PACRG: variants seen among roughly 807,000 people sequenced by gnomAD.
The protein encoded by PACRG is parkin coregulated.
Under a neutral mutation model 29.7 loss-of-function variants are expected in PACRG, and 29 were observed. The ratio of observed to expected loss-of-function variants is 0.98; its 90% CI spans 0.73 to 1.33. PACRG has a LOEUF of 1.33. Ranked by LOEUF, PACRG falls within the 40% of genes most tolerant of loss-of-function variation. The probability of loss-of-function intolerance (pLI) is 0.00; values close to 1 mark genes in which losing one functional copy is unlikely to be tolerated. For synonymous variants in PACRG, 116 were observed against 118.7 expected (o/e 0.98, Z 0.15); for missense variants, 279 against 316.2 (o/e 0.88, Z 0.89).
At chr6:163,164,947 G>C (rs1467626203) in intron 4 of PACRG, among the ~76,000 whole-genome samples, 1 of 151,210 alleles carries the variant, frequency 6.6e-6, no homozygotes, top group Non-Finnish European at 1.5e-5. Context: ...CAAAGATGCT[G>C]GACAAGGGTT....
chr6:163,194,473 C>G (rs1562958044), intron 4 of PACRG, among the ~76,000 whole-genome samples: 1 of 151,992 alleles, frequency 6.6e-6, no homozygotes, highest in South Asian at 2.1e-4. Flanking sequence ...GGCAGGAAAC[C>G]CCGGCGCCTC....
intron 2 of PACRG, chr6:162,957,428 T>G: frequency 1.5e-5 from 8 of 535,988 alleles, no homozygotes; most frequent in Non-Finnish European, 2.8e-5. Context: ...CCTCAAAGTC[T>G]GCCTGGGCAC....
chr6:163,214,144 T>G (rs565787775), intron 4 of PACRG, among the ~76,000 whole-genome samples: 3 of 152,338 alleles, frequency 2.0e-5, no homozygotes, highest in East Asian at 1.9e-4. Flanking sequence ...CACTGTTTAC[T>G]CTGTCCAGTA....
chr6:163,017,996 C>T (rs951242028), intron 2 of PACRG, among the ~76,000 whole-genome samples: 2 of 151,994 alleles, frequency 1.3e-5, no homozygotes, highest in South Asian at 2.1e-4. Flanking sequence ...CAAATACATT[C>T]TTGAGAGGGC....
At chr6:163,136,893 A>C (rs1405482535) in intron 4 of PACRG, among the ~76,000 whole-genome samples, 5 of 152,244 alleles carry the variant, frequency 3.3e-5, no homozygotes, top group African/African-American at 1.2e-4. Flanking sequence ...TTGTAAATGC[A>C]TACTAAATGC....
At chr6:163,132,777 A>G (rs1400469334) in intron 4 of PACRG, among the ~76,000 whole-genome samples, 1 of 152,264 alleles carries the variant, frequency 6.6e-6, no homozygotes. Context: ...TATATTTAAT[A>G]GCAATTTAGA....
intron 3 of PACRG, among the ~76,000 whole-genome samples, chr6:163,075,013 T>C (rs1812415919): frequency 6.6e-6 from 1 of 151,716 alleles, no homozygotes; most frequent in African/African-American, 2.4e-5. Context: ...TATATATAAC[T>C]AAATTTAAAA....
intron 4 of PACRG, among the ~76,000 whole-genome samples, chr6:163,093,591 C>T (rs1814310621): frequency 6.6e-6 from 1 of 152,166 alleles, no homozygotes. Flanking sequence ...GATTAGGGCT[C>T]TCCGACAGGC....
intron 2 of PACRG, among the ~76,000 whole-genome samples, chr6:162,872,014 GT>G (rs1792866062): frequency 6.6e-6 from 1 of 152,060 alleles, no homozygotes; most frequent in African/African-American, 2.4e-5. Flanking sequence ...TGTAAGATAT[GT>G]TTTAAGATTA....
chr6:162,768,868 C>T (rs746860000), intron 1 of PACRG, among the ~76,000 whole-genome samples: 9 of 152,174 alleles, frequency 5.9e-5, no homozygotes, highest in Non-Finnish European at 1.0e-4. Flanking sequence ...GGAATTTAAA[C>T]TCAGAAGTGA....
chr6:163,150,148 C>T (rs1778019708), intron 4 of PACRG, among the ~76,000 whole-genome samples: 1 of 152,220 alleles, frequency 6.6e-6, no homozygotes, highest in African/African-American at 2.4e-5. Flanking sequence ...CTGTGGAGGT[C>T]TGCCACCTGC....
intron 2 of PACRG, among the ~76,000 whole-genome samples, chr6:162,974,215 A>C (rs556844209): frequency 1.1e-4 from 17 of 152,312 alleles, no homozygotes; most frequent in Non-Finnish European, 1.9e-4. Flanking sequence ...GGCGGCTGCC[A>C]CCATATGCCA....
At chr6:163,121,708 C>T (rs1816281252) in intron 4 of PACRG, among the ~76,000 whole-genome samples, 1 of 149,832 alleles carries the variant, frequency 6.7e-6, no homozygotes, top group Admixed American at 6.7e-5. Context: ...GTCTGTCACC[C>T]AAGCTGGAGT....
At chr6:163,047,593 C>T (rs1245621152) in intron 2 of PACRG, among the ~76,000 whole-genome samples, 2 of 152,106 alleles carry the variant, frequency 1.3e-5, no homozygotes, top group African/African-American at 2.4e-5. Flanking sequence ...TACAACTGAC[C>T]TTTAGCTGTC....
intron 2 of PACRG, among the ~76,000 whole-genome samples, chr6:163,035,642 T>G (rs192257619): frequency 1.4e-5 from 2 of 145,622 alleles, no homozygotes; most frequent in South Asian, 2.2e-4. Context: ...TAAGACTCCA[T>G]GTCAAAAAAT....
chr6:162,727,687 G>T, upstream of PACRG: 2 of 1,572,608 alleles, frequency 1.3e-6, no homozygotes, highest in South Asian at 2.3e-5. Flanking sequence ...GGTAGGTGGC[G>T]GCTGCGGGCC....
intron 2 of PACRG, among the ~76,000 whole-genome samples, chr6:163,000,202 G>A (rs929090511): frequency 6.6e-6 from 1 of 152,212 alleles, no homozygotes; most frequent in East Asian, 1.9e-4. Context: ...CTGGAGGACA[G>A]TCTCTAAATG....
At chr6:163,246,013 A>G (rs1271438067) in intron 4 of PACRG, among the ~76,000 whole-genome samples, 2 of 152,058 alleles carry the variant, frequency 1.3e-5, no homozygotes, top group African/African-American at 4.8e-5. Context: ...TCTTGCCTGG[A>G]TTGCTGCAAC....
chr6:162,898,844 A>G (rs1795352168), intron 2 of PACRG, among the ~76,000 whole-genome samples: 2 of 152,238 alleles, frequency 1.3e-5, no homozygotes, highest in East Asian at 1.9e-4. Flanking sequence ...GTTTTGTTTC[A>G]GAGATTTGGA....
Sources: allele counts gnomAD v4.1 joint callset (sites outside exome capture counted in the v4.1 genomes callset), GRCh38; gene constraint gnomAD v4.1.1; transcripts MANE v1.5; gene names NCBI Gene and HGNC (gene_info 2026-07-23, HGNC 2026-07-21).